Variants in PTK2 observed in about 807,000 individuals in gnomAD.
PTK2 encodes protein tyrosine kinase 2.
Under a neutral mutation model 150.1 loss-of-function variants are expected in PTK2, and 45 were observed. The observed-to-expected ratio is 0.30, with a 90% CI of 0.24 to 0.38. The LOEUF is 0.38. Among genes scored for constraint, PTK2 ranks in the 10% least tolerant of loss-of-function variants. The probability of loss-of-function intolerance (pLI) is 1.00; values close to 1 mark genes in which losing one functional copy is unlikely to be tolerated. For missense variants in PTK2, 919 were observed against 1,307.3 expected, an observed-to-expected ratio of 0.70 and a Z score of 4.58; for synonymous variants, 432 against 449.2, an observed-to-expected ratio of 0.96 and a Z score of 0.48.
chr8:140,703,137 A>T (rs1361294773), intron 24 of PTK2, among the ~76,000 whole-genome samples: 1 of 152,106 alleles, frequency 6.6e-6, no homozygotes, highest in Non-Finnish European at 1.5e-5. Flanking sequence ...CAAGGTCAGG[A>T]GTAGCCTGTA....
At chr8:140,661,649 G>C (rs143324097) in intron 31 of PTK2, among the ~76,000 whole-genome samples, 153 of 152,290 alleles carry the variant, frequency 1.0e-3, no homozygotes, top group African/African-American at 3.5e-3. Flanking sequence ...AGCACTTTGG[G>C]AGATGACCAC....
intron 26 of PTK2, among the ~76,000 whole-genome samples, chr8:140,698,498 G>A (rs1216499188): frequency 6.6e-6 from 1 of 152,106 alleles, no homozygotes; most frequent in East Asian, 1.9e-4. Context: ...CTGTCACCCA[G>A]GCTGGAGTGC....
At chr8:140,909,271 T>A (rs891967166) in intron 2 of PTK2, 1 of 154,332 alleles carries the variant, frequency 6.5e-6, no homozygotes, top group East Asian at 1.9e-4. Flanking sequence ...TCAACTCTTA[T>A]GGCTTTGAAG....
intron 2 of PTK2, among the ~76,000 whole-genome samples, chr8:140,893,709 G>T (rs572235801): frequency 5.3e-5 from 8 of 152,286 alleles, no homozygotes; most frequent in Middle Eastern, 6.8e-3. Context: ...TTAGATCATG[G>T]TGATGGTTGA....
chr8:140,679,086 G>A (rs1056365963), intron 27 of PTK2, among the ~76,000 whole-genome samples: 1 of 122,718 alleles, frequency 8.1e-6, no homozygotes, highest in Admixed American at 1.1e-4. Context: ...GTGCAGTGGT[G>A]TGATCTTGGC....
intron 1 of PTK2, among the ~76,000 whole-genome samples, chr8:140,939,108 A>C (rs2100174763): frequency 6.6e-6 from 1 of 152,216 alleles, no homozygotes; most frequent in South Asian, 2.1e-4. Flanking sequence ...GGGCAAACAA[A>C]GGATACATCT....
chr8:140,807,706 C>A (rs1282385416), intron 10 of PTK2, among the ~76,000 whole-genome samples: 1 of 152,194 alleles, frequency 6.6e-6, no homozygotes. Flanking sequence ...CTTACACTGA[C>A]TATATCTTGA....
At chr8:140,779,342 G>A (rs375550147) in intron 14 of PTK2, among the ~76,000 whole-genome samples, 4 of 152,086 alleles carry the variant, frequency 2.6e-5, no homozygotes, top group East Asian at 1.9e-4. Context: ...GGGGATGCTG[G>A]AGCACTGACA....
At chr8:140,961,010 A>G (rs1335015706) in intron 1 of PTK2, among the ~76,000 whole-genome samples, 1 of 152,234 alleles carries the variant, frequency 6.6e-6, no homozygotes. Context: ...ATAGATAAAG[A>G]GCACTTTTCC....
rs529356623 is a variant in PTK2 at position 140,676,524 on chromosome 8, T to A, written c.2563-1025A>T. On this transcript the variant is annotated intron_variant, in intron 27 of 31. Transcript: ENST00000522684. ...GAAAATCAAATCCTGCATGTTCTCA[T>A]AAGTTGGAGCTAAATAATGCGTATA... Among the ~76,000 whole-genome samples the A allele has an allele frequency of 2.1e-4, 31 of 147,730 alleles. No homozygotes were observed. The South Asian group carries it at 2.3e-3, about 11-fold the overall frequency.
chr8:140,803,691 A>G (rs1052615802), intron 10 of PTK2, 41 bp from the exon 11 acceptor site: 1 of 1,530,004 alleles, frequency 6.5e-7, no homozygotes, highest in African/African-American at 1.4e-5. Context: ...TACGGATAAA[A>G]AACTCATTTC....
exon 25 of PTK2, chr8:140,702,693 A>G (rs763987333): frequency 3.1e-6 from 5 of 1,613,872 alleles, no homozygotes; most frequent in Non-Finnish European, 4.2e-6. Flanking sequence ...CATGTGAACC[A>G]GGGTAGCCAG....
chr8:140,669,732 A>G, intron 29 of PTK2: 2 of 1,534,038 alleles, frequency 1.3e-6, no homozygotes, highest in Non-Finnish European at 1.7e-6. Flanking sequence ...CTTACCCTCC[A>G]TGGCTATTGT....
chr8:140,910,914 G>A (rs1366116812), intron 2 of PTK2, among the ~76,000 whole-genome samples: 1 of 152,112 alleles, frequency 6.6e-6, no homozygotes, highest in African/African-American at 2.4e-5. Flanking sequence ...GTCTTGCTCT[G>A]TCGCCCAGGC....
intron 5 of PTK2, among the ~76,000 whole-genome samples, chr8:140,857,848 G>A (rs1367806134): frequency 6.6e-6 from 1 of 152,086 alleles, no homozygotes; most frequent in Admixed American, 6.6e-5. Flanking sequence ...CCCAAACTAG[G>A]TAGGCCCTCA....
At chr8:140,935,249 C>T (rs2154608653) in intron 1 of PTK2, among the ~76,000 whole-genome samples, 1 of 152,166 alleles carries the variant, frequency 6.6e-6, no homozygotes, top group Non-Finnish European at 1.5e-5. Context: ...GGCCCCAGAG[C>T]ATATTATAGC....
chr8:140,676,613 CG>C (rs1308408642), intron 27 of PTK2, among the ~76,000 whole-genome samples: 3 of 88,120 alleles, frequency 3.4e-5, no homozygotes, highest in African/African-American at 8.1e-5. Flanking sequence ...TCGGTGGGGG[CG>C]GGGGGAACAG....
At chr8:140,772,513 C>T (rs1454402735) in intron 14 of PTK2, among the ~76,000 whole-genome samples, 4 of 152,220 alleles carry the variant, frequency 2.6e-5, no homozygotes, top group Non-Finnish European at 5.9e-5. Flanking sequence ...CAGGAAGCAA[C>T]AGCGATACGG....
At chr8:140,932,387 G>A (rs928138238) in intron 1 of PTK2, among the ~76,000 whole-genome samples, 1 of 151,806 alleles carries the variant, frequency 6.6e-6, no homozygotes, top group Non-Finnish European at 1.5e-5. Context: ...GTTTATTTTT[G>A]TATTTTTTAG....
Sources: allele counts gnomAD v4.1 joint callset (sites outside exome capture counted in the v4.1 genomes callset), GRCh38; gene constraint gnomAD v4.1.1; transcripts MANE v1.5; gene names NCBI Gene and HGNC (gene_info 2026-07-23, HGNC 2026-07-21).